The following SPSB4 variants were observed in gnomAD, a reference collection of about 807,000 sequenced individuals.
SPSB4 encodes splA/ryanodine receptor domain and SOCS box containing 4, also known as SPRY domain-containing SOCS box protein 4.
In SPSB4, 21 loss-of-function variants were observed where a neutral mutation model predicts 20.9. That is an observed-to-expected ratio of 1.01 (90% CI 0.71 to 1.45). SPSB4 has a LOEUF of 1.45. Among genes scored for constraint, SPSB4 ranks in the 40% most tolerant of loss-of-function variants. The pLI is 0.00. For missense variants in SPSB4, 399 were observed against 399.2 expected, an observed-to-expected ratio of 1.00 and a Z score of 0.00; for synonymous variants, 207 against 183.8, an observed-to-expected ratio of 1.13 and a Z score of -1.02.
intron 1 of SPSB4, among the ~76,000 whole-genome samples, chr3:141,062,336 CATAAT>C (rs1379156314): frequency 3.3e-5 from 5 of 151,460 alleles, no homozygotes; most frequent in African/African-American, 4.9e-5. Flanking sequence ...AATAATATAA[CATAAT>C]ATAATATGAT....
chr3:141,141,742 G>A lies in SPSB4; in HGVS notation c.695-5400G>A, dbSNP rs78129793. Among the ~76,000 whole-genome samples the A allele has an allele frequency of 5.2e-3, 797 of 152,058 alleles. 8 individuals carry two copies. The highest frequency in any genetic ancestry group is 0.018 in the African/African-American group (753 of 41,464). On this transcript the variant is annotated intron_variant, in intron 2 of 2. Transcript: ENST00000310546. ...TTCACTATTTGTTACTGGTCTGTTC[G>A]GAATTTCTATTTCTTCCTGATTTAA... is the stretch of plus-strand genomic sequence containing the variant.
chr3:141,143,010 G>T (rs955741638), intron 2 of SPSB4, among the ~76,000 whole-genome samples: 2 of 151,648 alleles, frequency 1.3e-5, no homozygotes, highest in Non-Finnish European at 2.9e-5. Flanking sequence ...TAGAAATGGG[G>T]TTTCACCGTG....
chr3:141,142,279 A>T (rs556180888), intron 2 of SPSB4, among the ~76,000 whole-genome samples: 1 of 152,232 alleles, frequency 6.6e-6, no homozygotes, highest in African/African-American at 2.4e-5. Context: ...TTACATTTCC[A>T]TCTTGATTTC....
Position 141,147,466 on chromosome 3 carries a change from C to T in SPSB4, c.*197C>T, listed in dbSNP as rs1354661217. On this transcript the variant is annotated 3_prime_UTR_variant, in exon 3 of 3. Coordinates refer to ENST00000310546, the MANE Select transcript of SPSB4 (RefSeq NM_080862.3). ...TCTTGCCAACAGTATCTACTGCCCT[C>T]GAGGCAGCCCTCCCAAGTCAGACAC... 4.7e-5 allele frequency: 39 copies of T among 838,068 alleles called. No homozygotes were observed. Among genetic ancestry groups the T allele is most frequent in the East Asian group, 4.2e-4 (15 of 35,730 alleles). The allele number at this position is 838,068 out of a possible 1,614,324, so 51.9% of individuals were successfully genotyped here.
At chr3:141,140,996 C>A (rs916357195) in intron 2 of SPSB4, among the ~76,000 whole-genome samples, 3 of 151,200 alleles carry the variant, frequency 2.0e-5, no homozygotes, top group Admixed American at 6.6e-5. Flanking sequence ...AGCTTCCTGG[C>A]CACTTGGTTT....
intron 2 of SPSB4, among the ~76,000 whole-genome samples, chr3:141,112,459 A>C (rs1437380710): frequency 2.0e-5 from 3 of 150,856 alleles, no homozygotes; most frequent in Non-Finnish European, 4.4e-5. Context: ...TCCCGGCTAA[A>C]ACGGTGAAAC....
intron 2 of SPSB4, among the ~76,000 whole-genome samples, chr3:141,133,254 TTACTC>T (rs1414642665): frequency 6.6e-6 from 1 of 152,052 alleles, no homozygotes; most frequent in Non-Finnish European, 1.5e-5. Context: ...CACTCTGTGT[TTACTC>T]TGCTGATTAT....
chr3:141,109,241 C>T (rs1938754527), intron 2 of SPSB4, among the ~76,000 whole-genome samples: 1 of 152,120 alleles, frequency 6.6e-6, no homozygotes, highest in Non-Finnish European at 1.5e-5. Context: ...TCACACCTTG[C>T]CATGCACCTT....
intron 2 of SPSB4, among the ~76,000 whole-genome samples, chr3:141,090,807 T>C (rs1938437822): frequency 6.6e-6 from 1 of 152,038 alleles, no homozygotes; most frequent in Non-Finnish European, 1.5e-5. Flanking sequence ...AAATAGACCG[T>C]AGAGGGGCCA....
intron 2 of SPSB4, among the ~76,000 whole-genome samples, chr3:141,101,540 T>C (rs752132375): frequency 2.6e-5 from 4 of 152,282 alleles, no homozygotes; most frequent in South Asian, 4.2e-4. Context: ...TCTTCAAGCC[T>C]CTGTCTTCCC....
chr3:141,128,396 A>G (rs1204128234), intron 2 of SPSB4, among the ~76,000 whole-genome samples: 1 of 152,212 alleles, frequency 6.6e-6, no homozygotes, highest in East Asian at 1.9e-4. Flanking sequence ...GCCAGTGGTC[A>G]GTGGATGACA....
chr3:141,147,016 G>A (rs774532122), intron 2 of SPSB4, 126 bp from the exon 3 acceptor site: 12 of 1,307,904 alleles, frequency 9.2e-6, no homozygotes, highest in Non-Finnish European at 1.3e-5. Flanking sequence ...TCTTCTCCAA[G>A]GAGAAGCCAT....
chr3:141,122,207 T>C (rs1371739027), intron 2 of SPSB4, among the ~76,000 whole-genome samples: 4 of 152,140 alleles, frequency 2.6e-5, no homozygotes, highest in African/African-American at 9.7e-5. Flanking sequence ...TTGCTGGAGG[T>C]CTACTCCAGA....
intron 2 of SPSB4, among the ~76,000 whole-genome samples, chr3:141,088,723 G>A (rs1349377530): frequency 6.6e-6 from 1 of 152,222 alleles, no homozygotes; most frequent in African/African-American, 2.4e-5. Flanking sequence ...GAGCATCCTA[G>A]TGAATGAGCC....
Position 141,066,082 on chromosome 3 carries a change from C to T in SPSB4, c.-23C>T, listed in dbSNP as rs1368094142. On this transcript the variant is annotated 5_prime_UTR_variant, in exon 2 of 3. Transcript: ENST00000310546. ...CCCACGAGGTAGCGGTGGCCTGCAGCGGCCTCCTCCCCGCAGTGAAGCATG... is the reference window on the plus strand; with the variant it reads ...CCCACGAGGTAGCGGTGGCCTGCAGTGGCCTCCTCCCCGCAGTGAAGCATG... 3 of 1,491,558 alleles carry T rather than the reference C, an allele frequency of 2.0e-6. No homozygotes were observed. Among genetic ancestry groups the T allele is most frequent in the East Asian group, 5.3e-5 (2 of 37,640 alleles). 92.4% of individuals were successfully genotyped at this position (1,491,558 alleles called of 1,614,324 possible). A position where few individuals can be genotyped will look rare whatever the true frequency, so the allele number is the denominator to read the frequency against.
chr3:141,100,614 T>C (rs1286292684), intron 2 of SPSB4, among the ~76,000 whole-genome samples: 1 of 152,236 alleles, frequency 6.6e-6, no homozygotes, highest in Admixed American at 6.5e-5. Flanking sequence ...ACACAGTCCA[T>C]GGCACTTTGT....
intron 2 of SPSB4, chr3:141,115,291 C>G (rs1206088062): frequency 1.3e-5 from 2 of 152,194 alleles, no homozygotes; most frequent in East Asian, 3.8e-4. Flanking sequence ...TCCCCAGTGG[C>G]GTTGGCAGGT....
intron 2 of SPSB4, among the ~76,000 whole-genome samples, chr3:141,076,431 T>G (rs948087097): frequency 6.6e-6 from 1 of 152,264 alleles, no homozygotes; most frequent in Non-Finnish European, 1.5e-5. Flanking sequence ...GATGACTTTG[T>G]TTGGCAAGGG....
intron 2 of SPSB4, among the ~76,000 whole-genome samples, chr3:141,086,721 C>T (rs1938349191): frequency 6.6e-6 from 1 of 152,230 alleles, no homozygotes; most frequent in Non-Finnish European, 1.5e-5. Context: ...ACACATAGGA[C>T]ATACGCAATA....
Sources: allele counts gnomAD v4.1 joint callset (sites outside exome capture counted in the v4.1 genomes callset), GRCh38; gene constraint gnomAD v4.1.1; transcripts MANE v1.5; gene names NCBI Gene and HGNC (gene_info 2026-07-23, HGNC 2026-07-21).